Variants in ESS2 observed in about 807,000 individuals in gnomAD.
ESS2 encodes the protein ess-2 spliceosome associated protein.
Under a neutral mutation model 52.0 loss-of-function variants are expected in ESS2, and 31 were observed. The observed-to-expected ratio is 0.60, with a 90% CI of 0.45 to 0.81. The LOEUF (loss-of-function observed/expected upper bound fraction) is 0.81. Among genes scored for constraint, ESS2 ranks in the 30% least tolerant of loss-of-function variants. The probability of loss-of-function intolerance (pLI) is 0.00; values close to 1 mark genes in which losing one functional copy is unlikely to be tolerated. For missense variants in ESS2, 602 were observed against 637.2 expected (o/e 0.94, Z 0.59); for synonymous variants, 285 against 259.2 (o/e 1.10, Z -0.95).
In ESS2 at chr22:19,144,334, C is replaced by T. The variant is rs191975338; in HGVS notation, c.135+172G>A. On this transcript the variant is annotated intron_variant, in intron 1 of 9. Transcript: ENST00000252137. ...CCTGACAACACTACTACAGCCTCTT[C>T]CACCACAGACGTCTTCCTCTGCCCT... 2.3e-4 allele frequency: 332 copies of T among 1,419,506 alleles called. 1 individual carries two copies. In the African/African-American group the frequency reaches 4.6e-3, roughly 20 times the overall value. The allele number at this position is 1,419,506 out of a possible 1,614,324, so 87.9% of individuals were successfully genotyped here.
At position 19,131,740 on chromosome 22, in the gene ESS2, G is replaced by A. The variant is rs750282273; in HGVS notation, c.*2456C>T. On this transcript the variant is annotated 3_prime_UTR_variant, in exon 10 of 10. Transcript: ENST00000252137. The surrounding 1 kb of genome is among the most constrained non-coding windows in gnomAD (Gnocchi z 5.7). ...GGAGCCCTGCATGAGGACGTGGCAC[G>A]CAAGATGTTCCGACAGCTCTCCTCC... 1.1e-5 allele frequency: 18 copies of A among 1,613,912 alleles called. No individual in the cohort carries two copies. The highest frequency in any genetic ancestry group is 6.7e-5 in the African/African-American group (5 of 74,910).
chr22:19,139,788 C>T, intron 4 of ESS2, 59 bp from the exon 5 acceptor site: 1 of 1,613,842 alleles, frequency 6.2e-7, no homozygotes, highest in Non-Finnish European at 8.5e-7. Flanking sequence ...GTACCCATGG[C>T]CCTGGGGCTC....
intron 6 of ESS2, 174 bp from the exon 7 acceptor site, chr22:19,138,491 C>T: frequency 2.7e-6 from 2 of 729,916 alleles, no homozygotes; most frequent in Non-Finnish European, 5.0e-6. Flanking sequence ...TGCCCCAACC[C>T]CCCAAAAGAC....
At chr22:19,144,229 C>A in intron 1 of ESS2, 1 of 1,211,778 alleles carries the variant, frequency 8.3e-7, no homozygotes, top group Non-Finnish European at 1.0e-6. Context: ...TCCAGTTTGT[C>A]AAACTCCTAC....
At chr22:19,135,380 G>A (rs772862931) in intron 8 of ESS2, among the ~76,000 whole-genome samples, 4 of 152,194 alleles carry the variant, frequency 2.6e-5, no homozygotes, top group Admixed American at 2.0e-4. Context: ...ACCTGTCTTC[G>A]TGTTCCTCCC....
At chr22:19,139,770 T>TCA in intron 4 of ESS2, 41 bp from the exon 5 acceptor site, 1 of 1,612,778 alleles carries the variant, frequency 6.2e-7, no homozygotes, top group Non-Finnish European at 8.5e-7. Context: ...GAGATGCCCC[T>TCA]GGGCATTGTA....
chr22:19,142,277 G>A (rs2083700238), intron 3 of ESS2, among the ~76,000 whole-genome samples: 1 of 152,250 alleles, frequency 6.6e-6, no homozygotes, highest in Non-Finnish European at 1.5e-5. Flanking sequence ...AAGCCCACAG[G>A]GCAGGGCTGG....
At chr22:19,138,069 G>A (rs2083615453) in intron 7 of ESS2, 146 bp downstream of exon 7, 3 of 1,484,262 alleles carry the variant, frequency 2.0e-6, no homozygotes, top group East Asian at 2.5e-5. Context: ...CTAGGGCCTT[G>A]TACAGACAGG....
At chr22:19,134,615 G>A (rs1263808335) in intron 9 of ESS2, 140 bp from the exon 10 acceptor site, 4 of 918,758 alleles carry the variant, frequency 4.4e-6, no homozygotes, top group Non-Finnish European at 6.1e-6. Flanking sequence ...TGCCAGCATG[G>A]CAGCAAATGC....
At position 19,130,377 on chromosome 22, in the gene ESS2, T is replaced by C. The variant is rs2083495703; in HGVS notation, c.*3819A>G. 6.0e-6 allele frequency: 1 copy of C among 166,866 alleles called. No homozygotes were observed. The highest frequency in any genetic ancestry group is 6.4e-5 in the Admixed American group (1 of 15,608). The allele number at this position is 166,866 out of a possible 1,614,324, so 10.3% of individuals were successfully genotyped here. A position where few individuals can be genotyped will look rare whatever the true frequency, so the allele number is the denominator to read the frequency against. On this transcript the variant is annotated 3_prime_UTR_variant, in exon 10 of 10. Transcript: ENST00000252137. The stretch of plus-strand genomic sequence containing the variant: ...AAAGTGCTACAATTTTCTTACTGTT[T>C]ATATAGGTTGGGGTTATGTGCCTAC...
In ESS2 at chr22:19,139,332, G is replaced by T. The variant is rs773634836; in HGVS notation, c.689-40C>A. 5.2e-6 allele frequency: 8 copies of T among 1,545,674 alleles called. No individual in the cohort carries two copies. The Admixed American group carries it at 1.5e-4, about 29-fold the overall frequency. On this transcript the variant is annotated intron_variant, in intron 5 of 9. Transcript: ENST00000252137. ...AAAGGTAGCAGCAGGTGTCAGAAGG[G>T]CAGCAGCCTAAGGAGCATGAGGAGC...
chr22:19,131,681 C>T lies in ESS2; in HGVS notation c.*2515G>A. On this transcript the variant is annotated 3_prime_UTR_variant, in exon 10 of 10. Coordinates refer to ENST00000252137, the MANE Select transcript of ESS2 (RefSeq NM_022719.3). The surrounding 1 kb of genome is among the most constrained non-coding windows in gnomAD (Gnocchi z 5.7). ...TCTACATCATCATGGAGCTTGGCGT[C>T]CAGGGCGACCTCCTCGAGTTCATCA... 6.2e-7 allele frequency: 1 copy of T among 1,614,092 alleles called. No individual in the cohort carries two copies.
In ESS2 at chr22:19,132,138, G is replaced by A. The variant is rs758441948; in HGVS notation, c.*2058C>T. The A allele has an allele frequency of 6.0e-5, 96 of 1,613,040 alleles. No individual in the cohort carries two copies. Among genetic ancestry groups the A allele is most frequent in the Non-Finnish European group, 8.1e-5 (96 of 1,179,240 alleles). On this transcript the variant is annotated 3_prime_UTR_variant, in exon 10 of 10. Transcript: ENST00000252137. This position sits in a 1 kb window ranked among gnomAD's most constrained non-coding sequence, Gnocchi z 4.2. Reference sequence around the variant, plus strand: ...CAAGAACCTGACCTGCGAGTGCAAGGACCTCATCTACCGCATGCTGCAGCC... The same window carrying A: ...CAAGAACCTGACCTGCGAGTGCAAGAACCTCATCTACCGCATGCTGCAGCC...
In ESS2 at chr22:19,130,554, G is replaced by T. The variant is rs2146081969; in HGVS notation, c.*3642C>A. The T allele has an allele frequency of 4.6e-6, 2 of 433,342 alleles. No homozygotes were observed. Among genetic ancestry groups the T allele is most frequent in the South Asian group, 3.6e-5 (2 of 56,242 alleles). 26.8% of individuals were successfully genotyped at this position (433,342 alleles called of 1,614,324 possible). Reference sequence around the variant, plus strand: ...TGGTACCGGAGTGATTATTTCGATTGTATCTCCTTTACAGCTTGGTCCAGA... The same window carrying T: ...TGGTACCGGAGTGATTATTTCGATTTTATCTCCTTTACAGCTTGGTCCAGA... On this transcript the variant is annotated 3_prime_UTR_variant, in exon 10 of 10. Transcript: ENST00000252137.
intron 3 of ESS2, among the ~76,000 whole-genome samples, chr22:19,140,441 A>C (rs1166192317): frequency 1.3e-5 from 2 of 152,016 alleles, no homozygotes; most frequent in Non-Finnish European, 2.9e-5. Context: ...GGATTTCCTT[A>C]CCTTACCCAC....
chr22:19,137,635 G>A, intron 7 of ESS2: 6 of 757,670 alleles, frequency 7.9e-6, no homozygotes, highest in Non-Finnish European at 8.0e-6. Context: ...CCCGAGGCAG[G>A]CTCAAGGCCC....
At position 19,134,392 on chromosome 22, in the gene ESS2, C is replaced by G; in HGVS notation, c.1235G>C (p.Arg412Pro). 1 of 1,611,264 alleles carries G rather than the reference C, an allele frequency of 6.2e-7. No homozygotes were observed. Among genetic ancestry groups the G allele is most frequent in the Non-Finnish European group, 8.5e-7 (1 of 1,178,898 alleles). Residue 412 changes from arginine (R) to proline (P), a missense_variant, in exon 10 of 10, where the codon CGG (arginine) becomes CCG (proline). Physicochemically the swap from Arg to Pro is moderately radical, Grantham distance 103. Transcript: ENST00000252137. ...VSRTASKYTD[R>P]ALRASYTPSP... ...TGGTGTGTAGCTGGCCCGCAGGGCCCGGTCTGTGTACTTGCTGGCCGTCCT... is the reference window on the plus strand; with the variant it reads ...TGGTGTGTAGCTGGCCCGCAGGGCCGGGTCTGTGTACTTGCTGGCCGTCCT...
At position 19,131,900 on chromosome 22, in the gene ESS2, G is replaced by T. The variant is rs2083511748; in HGVS notation, c.*2296C>A. ...AGCGCTGCCTGCGGGACAGCAATGG[G>T]CGCATCATCCTCAGCAAGACCTTCT... is the stretch of plus-strand genomic sequence containing the variant. On this transcript the variant is annotated 3_prime_UTR_variant, in exon 10 of 10. Coordinates refer to ENST00000252137, the MANE Select transcript of ESS2 (RefSeq NM_022719.3). The surrounding 1 kb of genome is among the most constrained non-coding windows in gnomAD (Gnocchi z 5.7). 1 of 1,614,128 alleles carries T rather than the reference G, an allele frequency of 6.2e-7. No homozygotes were observed. Among genetic ancestry groups the T allele is most frequent in the Non-Finnish European group, 8.5e-7 (1 of 1,180,014 alleles).
In ESS2 at chr22:19,135,099, T is replaced by C; in HGVS notation, c.1112A>G (p.Lys371Arg). ...NEAAAKNRAK[K>R]QEALRRVTEN... ...CGTCACTCTCCGCAAGGCTTCCTGC[T>C]TCTTGGCCCGGTTCTTGGCAGCGGC... is the stretch of plus-strand genomic sequence containing the variant. The change falls in exon 9 of 10, where the codon AAG becomes AGG. Residue 371 changes from lysine to arginine, a missense_variant. By Grantham distance (26) the Lys-to-Arg change is conservative (BLOSUM62 2). Coordinates refer to ENST00000252137, the MANE Select transcript of ESS2 (RefSeq NM_022719.3). 1 of 1,614,082 alleles carries C rather than the reference T, an allele frequency of 6.2e-7. No individual in the cohort carries two copies. Among genetic ancestry groups the C allele is most frequent in the Non-Finnish European group, 8.5e-7 (1 of 1,179,980 alleles).
Sources: gnomAD v4.1 joint callset for allele counts (sites outside exome capture counted in the v4.1 genomes callset) on GRCh38, gnomAD v4.1.1 for gene constraint, Gnocchi (gnomAD v3.1) non-coding constraint, MANE v1.5 for transcripts, NCBI Gene and HGNC (gene_info 2026-07-23, HGNC 2026-07-21) for gene names.